The following GALNT13 variants were observed in gnomAD, a reference collection of about 807,000 sequenced individuals.
The protein encoded by GALNT13 is polypeptide N-acetylgalactosaminyltransferase 13.
A neutral mutation model predicts 64.2 loss-of-function variants in GALNT13; 28 were observed. The ratio of observed to expected loss-of-function variants is 0.44; its 90% CI spans 0.32 to 0.60. The LOEUF is 0.60. Among genes scored for constraint, GALNT13 ranks in the 20% least tolerant of loss-of-function variants. GALNT13 has a pLI of 0.05. For synonymous variants in GALNT13, 214 were observed against 224.6 expected, an observed-to-expected ratio of 0.95 and a Z score of 0.42; for missense variants, 577 against 669.8, an observed-to-expected ratio of 0.86 and a Z score of 1.53.
At chr2:153,255,566 G>A in the GALNT13 span, among the ~76,000 whole-genome samples, 125,295 of 151,650 alleles carry the variant, frequency 0.83, 52,964 homozygotes, top group African/African-American at 0.91. Context: ...TCCTAGTCTC[G>A]ATCATTACGT....
intron 1 of GALNT13, among the ~76,000 whole-genome samples, chr2:153,895,010 A>C (rs550985335): frequency 6.6e-6 from 1 of 152,278 alleles, no homozygotes; most frequent in East Asian, 1.9e-4. Context: ...TATTTGTAAT[A>C]ATCTCCATAA....
At chr2:153,903,705 GTTTATTAAAAT>G (rs139585280) in intron 2 of GALNT13, among the ~76,000 whole-genome samples, 30,546 of 151,752 alleles carry the variant, frequency 0.2, 4,008 homozygotes, top group Middle Eastern at 0.33. Context: ...TAAAAGTTAT[GTTTATTAAAAT>G]TTATCTCAGG....
intron 3 of GALNT13, among the ~76,000 whole-genome samples, chr2:154,134,095 C>T (rs1411695751): frequency 1.3e-5 from 2 of 152,044 alleles, no homozygotes. Context: ...TTTCTATTCT[C>T]GGTTAAGGAC....
chr2:153,912,219 A>G (rs1688991406), intron 2 of GALNT13, among the ~76,000 whole-genome samples: 1 of 151,998 alleles, frequency 6.6e-6, no homozygotes, highest in Admixed American at 6.6e-5. Context: ...CTATTGCGTT[A>G]TGAAATTCTT....
chr2:153,095,545 C>T, the GALNT13 span, among the ~76,000 whole-genome samples: 4 of 152,024 alleles, frequency 2.6e-5, no homozygotes, highest in Non-Finnish European at 5.9e-5. Context: ...GGGTATATAC[C>T]CAAAGGATTA....
intron 3 of GALNT13, among the ~76,000 whole-genome samples, chr2:154,009,559 C>T (rs550613986): frequency 1.9e-4 from 28 of 149,028 alleles, no homozygotes; most frequent in African/African-American, 5.0e-4. Flanking sequence ...GGCATGATCT[C>T]GGCTGACTGC....
chr2:153,596,254 A>C, the GALNT13 span, among the ~76,000 whole-genome samples: 5 of 152,150 alleles, frequency 3.3e-5, no homozygotes, highest in Admixed American at 3.3e-4. Context: ...TATGCCCATA[A>C]CCAACACAGT....
the GALNT13 span, among the ~76,000 whole-genome samples, chr2:153,612,632 C>CA: frequency 2.7e-4 from 41 of 151,110 alleles, no homozygotes; most frequent in East Asian, 7.8e-4. Context: ...AATAAGAAAA[C>CA]AAAGAAAAAA....
intron 3 of GALNT13, among the ~76,000 whole-genome samples, chr2:154,019,862 C>T (rs1050958559): frequency 1.3e-5 from 2 of 151,960 alleles, no homozygotes; most frequent in Admixed American, 1.3e-4. Context: ...TACCCCCACC[C>T]CACAACAGTC....
chr2:153,633,214 A>G, the GALNT13 span, among the ~76,000 whole-genome samples: 1 of 152,142 alleles, frequency 6.6e-6, no homozygotes, highest in Non-Finnish European at 1.5e-5. Context: ...TTTCCAACAT[A>G]TACAAAATAG....
At chr2:154,376,645 G>A (rs1370099204) in intron 9 of GALNT13, among the ~76,000 whole-genome samples, 3 of 151,930 alleles carry the variant, frequency 2.0e-5, no homozygotes, top group Non-Finnish European at 2.9e-5. Flanking sequence ...AAGAAAACAA[G>A]CAAATTACAG....
chr2:153,400,710 C>T, the GALNT13 span, among the ~76,000 whole-genome samples: 2 of 152,144 alleles, frequency 1.3e-5, no homozygotes, highest in Non-Finnish European at 2.9e-5. Context: ...AGTTTATTTG[C>T]GTAGAGGTAT....
chr2:153,995,671 G>T (rs1052830690), intron 3 of GALNT13, among the ~76,000 whole-genome samples: 1 of 151,908 alleles, frequency 6.6e-6, no homozygotes, highest in Non-Finnish European at 1.5e-5. Context: ...TTTCTCCGTG[G>T]TGGTAACTTT....
the GALNT13 span, among the ~76,000 whole-genome samples, chr2:153,791,658 A>G: frequency 2.6e-5 from 4 of 152,148 alleles, no homozygotes; most frequent in Non-Finnish European, 5.9e-5. Flanking sequence ...ACGATAGCAA[A>G]ATATGGAATC....
At chr2:154,177,237 C>T (rs2105718845) in intron 4 of GALNT13, among the ~76,000 whole-genome samples, 1 of 152,178 alleles carries the variant, frequency 6.6e-6, no homozygotes, top group Admixed American at 6.5e-5. Context: ...GAAATGAGCT[C>T]TCAAACGAGA....
chr2:154,300,989 T>G (rs569233431), intron 8 of GALNT13, among the ~76,000 whole-genome samples: 1 of 152,170 alleles, frequency 6.6e-6, no homozygotes, highest in African/African-American at 2.4e-5. Context: ...ATGACCAGCT[T>G]AGAATGAATG....
the GALNT13 span, among the ~76,000 whole-genome samples, chr2:153,074,992 C>G: frequency 4.6e-5 from 7 of 152,114 alleles, no homozygotes; most frequent in African/African-American, 1.7e-4. Flanking sequence ...CTTGGCCTCC[C>G]AAAGTGCTGG....
the GALNT13 span, among the ~76,000 whole-genome samples, chr2:153,344,490 G>T: frequency 1.3e-5 from 2 of 152,296 alleles, no homozygotes; most frequent in African/African-American, 4.8e-5. Context: ...GGTTGTTGTT[G>T]TTGCTGTTGT....
chr2:153,390,953 A>G, the GALNT13 span, among the ~76,000 whole-genome samples: 1 of 152,074 alleles, frequency 6.6e-6, no homozygotes, highest in South Asian at 2.1e-4. Flanking sequence ...GAACAGGGTA[A>G]GGAGAATTGG....
Sources: gnomAD v4.1 joint callset for allele counts (sites outside exome capture counted in the v4.1 genomes callset) on GRCh38, gnomAD v4.1.1 for gene constraint, MANE v1.5 for transcripts, NCBI Gene and HGNC (gene_info 2026-07-23, HGNC 2026-07-21) for gene names.